The following DOK7 variants were observed in gnomAD, a reference collection of about 807,000 sequenced individuals.
The protein encoded by DOK7 is protein Dok-7.
DOK7 carries 32 observed loss-of-function variants against 30.7 expected under a neutral mutation model. The observed-to-expected ratio is 1.04, with a 90% CI of 0.79 to 1.40. The LOEUF (loss-of-function observed/expected upper bound fraction) is 1.40, where lower values mean the gene tolerates loss of function less well. Among genes scored for constraint, DOK7 ranks in the 40% most tolerant of loss-of-function variants. DOK7 has a pLI of 0.00. For synonymous variants in DOK7, 447 were observed against 324.1 expected (o/e 1.38, Z -4.07); for missense variants, 1,007 against 699.2 (o/e 1.44, Z -4.97).
At chr4:3,466,527 C>A (rs1031363756) in intron 2 of DOK7, among the ~76,000 whole-genome samples, 1 of 152,208 alleles carries the variant, frequency 6.6e-6, no homozygotes, top group African/African-American at 2.4e-5. Flanking sequence ...CCCCAACGGA[C>A]TGGGGCTGAC....
Position 3,476,537 on chromosome 4 carries a change from G to T in DOK7, c.527G>T (p.Gly176Val). Reference protein sequence around the residue: ...GFIFEGGTRCGYWAGVFFLSS... With the variant: ...GFIFEGGTRCVYWAGVFFLSS... ...ATCTTTGAAGGCGGGACCAGGTGTGGGTACTGTAAGTACGGATGTGTGGGG... is the reference window on the plus strand; with the variant it reads ...ATCTTTGAAGGCGGGACCAGGTGTGTGTACTGTAAGTACGGATGTGTGGGG... The change falls in exon 4 of 7, where the codon GGG becomes GTG. Residue 176 changes from glycine (G) to valine (V), a missense_variant. By Grantham distance (109) the Gly-to-Val change is moderately radical (BLOSUM62 -3). Coordinates refer to ENST00000340083, the MANE Select transcript of DOK7 (RefSeq NM_173660.5). 1 of 1,613,854 alleles carries T rather than the reference G, an allele frequency of 6.2e-7. No homozygotes were observed. The highest frequency in any genetic ancestry group is 8.5e-7 in the Non-Finnish European group (1 of 1,180,014).
downstream of DOK7, among the ~76,000 whole-genome samples, chr4:3,497,169 G>A (rs16844487): frequency 0.19 from 28,173 of 151,906 alleles, 2,792 homozygotes; most frequent in South Asian, 0.31. Context: ...TGGACTGAAG[G>A]TTGGGAGACA....
chr4:3,489,257 G>A (rs2109386667), intron 5 of DOK7, among the ~76,000 whole-genome samples: 1 of 152,266 alleles, frequency 6.6e-6, no homozygotes, highest in Admixed American at 6.5e-5. Context: ...AGGTGGAGGG[G>A]AGCCTGTGAG....
intron 2 of DOK7, among the ~76,000 whole-genome samples, chr4:3,469,179 CTG>C (rs201718777): frequency 4.1e-5 from 6 of 145,310 alleles, no homozygotes; most frequent in Admixed American, 1.4e-4. Flanking sequence ...GTGTGTGCGT[CTG>C]TGTGAGTGTG....
intron 6 of DOK7, among the ~76,000 whole-genome samples, chr4:3,491,913 G>A (rs1457669615): frequency 6.6e-6 from 1 of 152,234 alleles, no homozygotes; most frequent in Non-Finnish European, 1.5e-5. Context: ...TGCAGGAGCC[G>A]TGCTGGTCCG....
chr4:3,499,514 C>T (rs372836549), intron 6 of DOK7, among the ~76,000 whole-genome samples: 3 of 152,168 alleles, frequency 2.0e-5, no homozygotes, highest in African/African-American at 4.8e-5. Context: ...GTGCGTCCAA[C>T]CCCCTAAGGT....
At chr4:3,490,002 C>G (rs1560225368) in intron 6 of DOK7, among the ~76,000 whole-genome samples, 1 of 120,714 alleles carries the variant, frequency 8.3e-6, no homozygotes, top group Non-Finnish European at 1.8e-5. Flanking sequence ...CCTGCTCATT[C>G]CTTCCTTCTC....
At chr4:3,477,834 G>C in intron 4 of DOK7, among the ~76,000 whole-genome samples, 1 of 151,670 alleles carries the variant, frequency 6.6e-6, no homozygotes, top group Admixed American at 6.6e-5. Flanking sequence ...GGTGCGGGGG[G>C]TGGGGTGGGG....
downstream of DOK7, among the ~76,000 whole-genome samples, chr4:3,499,105 G>A (rs867834515): frequency 5.3e-5 from 8 of 152,238 alleles, no homozygotes; most frequent in African/African-American, 7.2e-5. Context: ...GCCGGGCAGC[G>A]GGTGGCCACA....
chr4:3,486,718 GC>G (rs1727820244), intron 5 of DOK7, among the ~76,000 whole-genome samples: 1 of 151,954 alleles, frequency 6.6e-6, no homozygotes, highest in African/African-American at 2.4e-5. Context: ...GTGTCTTCCT[GC>G]CTAGTGGATG....
In DOK7 at chr4:3,473,622, A is replaced by G. The variant is rs995774916; in HGVS notation, c.317A>G (p.Tyr106Cys). Residue 106 changes from tyrosine (Y) to cysteine (C), a missense_variant, in exon 3 of 7, where the codon TAT becomes TGT. Transcript: ENST00000340083. ...TGTGCGTGGGATGCCCGGATCCGCT[A>G]TGCGCTCGGCGAGGGTGAGTGACGG... ...AMCAWDARIR[Y>C]ALGEVHRFHV... is the part of the protein sequence containing the mutation. 4 of 1,579,726 alleles carry G rather than the reference A, an allele frequency of 2.5e-6. No homozygotes were observed. The highest frequency in any genetic ancestry group is 2.3e-5 in the East Asian group (1 of 43,174).
intron 2 of DOK7, among the ~76,000 whole-genome samples, chr4:3,467,186 G>GGC (rs1416010623): frequency 8.3e-6 from 1 of 120,026 alleles, no homozygotes; most frequent in Non-Finnish European, 1.9e-5. Flanking sequence ...TGTGGGCGGG[G>GGC]ACCCCCCCCA....
chr4:3,490,281 TGCTCATTCATTTCTTCCTCCGCCCCCCCG>T lies in DOK7; in HGVS notation c.772+494_772+522del, dbSNP rs1240447051. On this transcript the variant is annotated intron_variant, in intron 6 of 6. Transcript: ENST00000340083. ...TCATTCATTCCTTCCTTCCCCACCT[TGCTCATTCATTTCTTCCTCCGCCCCCCCG>T]GCTCATTCTTGCCTTACCTCCATTC... Among the ~76,000 whole-genome samples the T allele has an allele frequency of 7.9e-4, 74 of 94,116 alleles. 2 individuals carry two copies. The highest frequency in any genetic ancestry group is 2.7e-3 in the African/African-American group (66 of 24,780). The allele number at this position is 94,116 out of a possible 152,430, so 61.7% of individuals were successfully genotyped here. A position where few individuals can be genotyped will look rare whatever the true frequency, so the allele number is the denominator to read the frequency against.
chr4:3,498,242 C>T (rs781337124), downstream of DOK7, among the ~76,000 whole-genome samples: 9 of 152,160 alleles, frequency 5.9e-5, no homozygotes, highest in Non-Finnish European at 1.2e-4. Flanking sequence ...AATCCAAGTC[C>T]CAAGGAGGGG....
chr4:3,492,893 G>C lies in DOK7; in HGVS notation c.907G>C (p.Ala303Pro), dbSNP rs768234649. 1.3e-6 allele frequency: 2 copies of C among 1,592,658 alleles called. No individual in the cohort carries two copies. Among genetic ancestry groups the C allele is most frequent in the Admixed American group, 3.5e-5 (2 of 57,336 alleles). Residue 303 changes from alanine (A) to proline (P), a missense_variant, in exon 7 of 7, where the codon GCT (alanine) becomes CCT (proline). Ala to Pro is a conservative substitution (Grantham distance 27). Transcript: ENST00000340083. ...GTCACAGGAGGGGCCTAGACCAGCA[G>C]CTGCCCAGGCCGCCGGGGAAGCCAT... ...STSQEGPRPA[A>P]AQAAGEAMVG...
chr4:3,493,936 C>T lies in DOK7; in HGVS notation c.*435C>T, dbSNP rs1038950537. ...TCACCTCTCTGGGGCAGTCACACCA[C>T]CTGTTAAGCATCAAGCTACCACAGA... On this transcript the variant is annotated 3_prime_UTR_variant, in exon 7 of 7. Transcript: ENST00000340083. 2.0e-6 allele frequency: 2 copies of T among 1,019,564 alleles called. No homozygotes were observed. Among genetic ancestry groups the T allele is most frequent in the African/African-American group, 3.4e-5 (2 of 57,998 alleles). 63.2% of individuals were successfully genotyped at this position (1,019,564 alleles called of 1,614,324 possible).
chr4:3,479,852 C>A (rs1560215468), intron 4 of DOK7, among the ~76,000 whole-genome samples: 1 of 152,230 alleles, frequency 6.6e-6, no homozygotes. Flanking sequence ...TGGCCCAATT[C>A]CCCGTCTCTG....
At chr4:3,475,877 G>A (rs1466588283) in intron 3 of DOK7, among the ~76,000 whole-genome samples, 2 of 152,112 alleles carry the variant, frequency 1.3e-5, no homozygotes, top group East Asian at 3.9e-4. Flanking sequence ...GAGGTCCGAG[G>A]TCAGGCCCCT....
In DOK7 at chr4:3,494,134, G is replaced by A. The variant is rs1433665419; in HGVS notation, c.*633G>A. On this transcript the variant is annotated 3_prime_UTR_variant, in exon 7 of 7. Coordinates refer to ENST00000340083, the MANE Select transcript of DOK7 (RefSeq NM_173660.5). ...AAGCCCTTGTGGGAAGGTTCCGGGAGCAGGTGGTGTCCTCAGAGCAGCCTC... is the reference window on the plus strand; with the variant it reads ...AAGCCCTTGTGGGAAGGTTCCGGGAACAGGTGGTGTCCTCAGAGCAGCCTC... The A allele has an allele frequency of 2.0e-6, 2 of 985,808 alleles. No individual in the cohort carries two copies. Among genetic ancestry groups the A allele is most frequent in the African/African-American group, 1.7e-5 (1 of 57,380 alleles). The allele number at this position is 985,808 out of a possible 1,614,324, so 61.1% of individuals were successfully genotyped here. A position where few individuals can be genotyped will look rare whatever the true frequency, so the allele number is the denominator to read the frequency against.
Sources: allele counts gnomAD v4.1 joint callset (sites outside exome capture counted in the v4.1 genomes callset), GRCh38; gene constraint gnomAD v4.1.1; transcripts MANE v1.5; gene names NCBI Gene and HGNC (gene_info 2026-07-23, HGNC 2026-07-21).